The following METTL16 variants were observed in gnomAD, a reference collection of about 807,000 sequenced individuals.
METTL16 encodes methyltransferase 16, RNA N6-adenosine, also known as RNA N(6)-adenosine-methyltransferase METTL16.
In METTL16, 19 loss-of-function variants were observed where a neutral mutation model predicts 57.9. The ratio of observed to expected loss-of-function variants is 0.33; its 90% CI spans 0.23 to 0.48. METTL16 has a LOEUF of 0.48. Ranked by LOEUF, METTL16 falls within the 20% of genes least tolerant of loss-of-function variation. METTL16 has a pLI of 0.99. For synonymous variants in METTL16, 246 were observed against 255.6 expected, an observed-to-expected ratio of 0.96 and a Z score of 0.36; for missense variants, 434 against 691.5, an observed-to-expected ratio of 0.63 and a Z score of 4.18.
chr17:2,482,503 G>T (rs986388852), intron 2 of METTL16, among the ~76,000 whole-genome samples: 1 of 152,132 alleles, frequency 6.6e-6, no homozygotes, highest in Non-Finnish European at 1.5e-5. Flanking sequence ...ATCAAAATTC[G>T]GGACAGGAAA....
intron 6 of METTL16, among the ~76,000 whole-genome samples, chr17:2,459,266 G>T (rs908516434): frequency 1.2e-4 from 18 of 152,310 alleles, no homozygotes; most frequent in African/African-American, 4.3e-4. Flanking sequence ...TGCAAGGGGT[G>T]GTGGAAAGAC....
intron 1 of METTL16, among the ~76,000 whole-genome samples, chr17:2,507,662 A>G (rs180836059): frequency 0.032 from 4,802 of 152,264 alleles, 265 homozygotes; most frequent in African/African-American, 0.11. Context: ...CATGATGACA[A>G]TGGCGGTTTT....
chr17:2,491,941 G>C (rs2067396774), intron 2 of METTL16, among the ~76,000 whole-genome samples: 1 of 150,226 alleles, frequency 6.7e-6, no homozygotes, highest in Non-Finnish European at 1.5e-5. Flanking sequence ...GCTGGGCGCG[G>C]TGGCTCACGC....
intron 2 of METTL16, among the ~76,000 whole-genome samples, chr17:2,498,050 A>G (rs766120350): frequency 1.3e-5 from 2 of 151,056 alleles, no homozygotes; most frequent in Non-Finnish European, 2.9e-5. Flanking sequence ...AAAAATTAGC[A>G]GGGCGTGGTG....
intron 6 of METTL16, among the ~76,000 whole-genome samples, chr17:2,446,530 C>A (rs2066996293): frequency 6.6e-6 from 1 of 152,136 alleles, no homozygotes. Context: ...CACCTGTAAT[C>A]TCAGCACTTT....
intron 8 of METTL16, among the ~76,000 whole-genome samples, chr17:2,428,541 A>AT (rs1237564535): frequency 3.8e-5 from 2 of 52,216 alleles, no homozygotes; most frequent in East Asian, 1.2e-3. Flanking sequence ...AAAAAAAAAA[A>AT]AAAAAAAAAA....
intron 6 of METTL16, among the ~76,000 whole-genome samples, chr17:2,445,705 G>A (rs2151552486): frequency 6.6e-6 from 1 of 151,732 alleles, no homozygotes; most frequent in South Asian, 2.1e-4. Flanking sequence ...AGAATTGCTT[G>A]AACCCGAGAG....
chr17:2,507,067 A>T (rs1434026019), intron 1 of METTL16, among the ~76,000 whole-genome samples: 1 of 150,184 alleles, frequency 6.7e-6, no homozygotes, highest in African/African-American at 2.5e-5. Flanking sequence ...CCCGTCCGGG[A>T]GGGAGGTGGG....
At chr17:2,486,783 G>A (rs941936137) in intron 2 of METTL16, among the ~76,000 whole-genome samples, 1 of 151,700 alleles carries the variant, frequency 6.6e-6, no homozygotes, top group African/African-American at 2.4e-5. Context: ...GACCAACCTG[G>A]GTAGCATGGT....
At chr17:2,489,657 T>C (rs2067369951) in intron 2 of METTL16, among the ~76,000 whole-genome samples, 1 of 135,530 alleles carries the variant, frequency 7.4e-6, no homozygotes, top group African/African-American at 2.9e-5. Context: ...GAGAATCGCT[T>C]GAACCTGAGA....
Position 2,504,808 on chromosome 17 carries a change from G to A in METTL16, c.1-2477C>T, listed in dbSNP as rs555233517. The stretch of plus-strand genomic sequence containing the variant: ...ATTGGTTTCCGACTCCTGAGCTCAA[G>A]TGATCCTCCTGCCTCAGCCTCCCAA... On this transcript the variant is annotated intron_variant, in intron 1 of 9. Coordinates refer to ENST00000263092, the MANE Select transcript of METTL16 (RefSeq NM_024086.4). Among the ~76,000 whole-genome samples, 187 of 152,264 alleles carry A rather than the reference G, an allele frequency of 1.2e-3. 1 individual carries two copies. The highest frequency in any genetic ancestry group is 4.4e-3 in the African/African-American group (183 of 41,546).
intron 1 of METTL16, among the ~76,000 whole-genome samples, chr17:2,509,696 A>G (rs1372009037): frequency 6.6e-6 from 1 of 152,194 alleles, no homozygotes; most frequent in African/African-American, 2.4e-5. Flanking sequence ...TTGTGAGACC[A>G]GCCTGGCCAA....
chr17:2,458,744 C>G (rs533822584), intron 6 of METTL16, among the ~76,000 whole-genome samples: 6 of 152,022 alleles, frequency 3.9e-5, no homozygotes, highest in South Asian at 4.2e-4. Context: ...ACACACAATT[C>G]AGGCCATGAG....
intron 4 of METTL16, among the ~76,000 whole-genome samples, chr17:2,471,310 T>C (rs1438375543): frequency 6.6e-6 from 1 of 152,142 alleles, no homozygotes; most frequent in Non-Finnish European, 1.5e-5. Context: ...TCACTGGGAT[T>C]ACATGCATGC....
At chr17:2,466,802 T>A (rs917848694) in intron 5 of METTL16, among the ~76,000 whole-genome samples, 1 of 152,042 alleles carries the variant, frequency 6.6e-6, no homozygotes, top group African/African-American at 2.4e-5. Flanking sequence ...TTTTTTTGTT[T>A]TCTTTTTTTC....
intron 2 of METTL16, among the ~76,000 whole-genome samples, chr17:2,495,116 G>A (rs1036816480): frequency 6.6e-6 from 1 of 151,328 alleles, no homozygotes; most frequent in Admixed American, 6.6e-5. Flanking sequence ...TTCAGAGGTC[G>A]AGAGAGGCAA....
chr17:2,442,607 GAA>G (rs945539892), intron 6 of METTL16, among the ~76,000 whole-genome samples: 3 of 151,874 alleles, frequency 2.0e-5, no homozygotes, highest in African/African-American at 4.8e-5. Flanking sequence ...TTGAAGTCAA[GAA>G]AAAAAGAAGA....
chr17:2,464,469 T>A (rs2067175686), intron 5 of METTL16, 119 bp from the exon 6 acceptor site: 2 of 913,722 alleles, frequency 2.2e-6, no homozygotes, highest in Non-Finnish European at 3.1e-6. Flanking sequence ...AATAGTATGC[T>A]AGATTTAGGA....
intron 8 of METTL16, among the ~76,000 whole-genome samples, chr17:2,430,691 T>A (rs1193469366): frequency 6.6e-6 from 1 of 152,132 alleles, no homozygotes; most frequent in African/African-American, 2.4e-5. Flanking sequence ...GTGCTGGGAT[T>A]ACAGGCGTGA....
Sources: gnomAD v4.1 joint callset for allele counts (sites outside exome capture counted in the v4.1 genomes callset) on GRCh38, gnomAD v4.1.1 for gene constraint, MANE v1.5 for transcripts, NCBI Gene and HGNC (gene_info 2026-07-23, HGNC 2026-07-21) for gene names.